FCHO2: variants seen among roughly 807,000 people sequenced by gnomAD.
FCHO2 encodes F-BAR domain only protein 2.
FCHO2 carries 43 observed loss-of-function variants against 114.1 expected under a neutral mutation model. The observed-to-expected ratio is 0.38, with a 90% CI of 0.30 to 0.49. FCHO2 has a LOEUF of 0.49. Ranked by LOEUF, FCHO2 falls within the 20% of genes least tolerant of loss-of-function variation. The probability of loss-of-function intolerance (pLI) is 0.97; values close to 1 mark genes in which losing one functional copy is unlikely to be tolerated. For missense variants in FCHO2, 807 were observed against 950.4 expected, an observed-to-expected ratio of 0.85 and a Z score of 1.98; for synonymous variants, 293 against 315.2, an observed-to-expected ratio of 0.93 and a Z score of 0.75.
At chr5:73,020,831 G>T in intron 8 of FCHO2, 1 of 915,754 alleles carries the variant, frequency 1.1e-6, no homozygotes, top group Non-Finnish European at 1.8e-6. Flanking sequence ...ATGCTGCCGA[G>T]CTGCTCATCT....
intron 8 of FCHO2, among the ~76,000 whole-genome samples, chr5:73,026,847 A>G (rs923508250): frequency 1.3e-5 from 2 of 151,766 alleles, no homozygotes. Context: ...GTGCATCACC[A>G]TACCTGGCTA....
Position 72,995,363 on chromosome 5 carries a change from C to T in FCHO2, c.495+4499C>T, listed in dbSNP as rs1053095740. Among the ~76,000 whole-genome samples, 8 of 151,960 alleles carry T rather than the reference C, an allele frequency of 5.3e-5. No individual in the cohort carries two copies. In the South Asian group the frequency reaches 1.7e-3, roughly 32 times the overall value. Reference sequence around the variant, plus strand: ...CTCCGCCTCCCGAGTTCAAGCAATTCTGGTGACTCAGCCTCCCGAGTAGTT... The same window carrying T: ...CTCCGCCTCCCGAGTTCAAGCAATTTTGGTGACTCAGCCTCCCGAGTAGTT... On this transcript the variant is annotated intron_variant, in intron 5 of 25. Coordinates refer to ENST00000430046, the MANE Select transcript of FCHO2 (RefSeq NM_138782.3).
At position 73,001,772 on chromosome 5, in the gene FCHO2, A is replaced by C. The variant is rs1178392475; in HGVS notation, c.496-4673A>C. ...GGCAACACAGTGAGAGCCCATCTCT[A>C]CAAAAAAAGAAAAAAAATTAGCCAG... On this transcript the variant is annotated intron_variant, in intron 5 of 25. Coordinates refer to ENST00000430046, the MANE Select transcript of FCHO2 (RefSeq NM_138782.3). Among the ~76,000 whole-genome samples the C allele has an allele frequency of 2.0e-5, 3 of 152,094 alleles. No homozygotes were observed. The East Asian group carries it at 5.8e-4, about 29-fold the overall frequency.
chr5:73,073,554 C>T (rs1474466836), intron 19 of FCHO2, among the ~76,000 whole-genome samples: 1 of 152,094 alleles, frequency 6.6e-6, no homozygotes, highest in Non-Finnish European at 1.5e-5. Flanking sequence ...GTTGTGATTT[C>T]ATGAATAACT....
At chr5:72,970,332 C>T (rs1470587592) in intron 2 of FCHO2, among the ~76,000 whole-genome samples, 1 of 152,138 alleles carries the variant, frequency 6.6e-6, no homozygotes, top group South Asian at 2.1e-4. Context: ...ATACATAGTA[C>T]AAAGAGATAC....
chr5:73,024,670 C>G (rs1330732274), intron 8 of FCHO2, among the ~76,000 whole-genome samples: 1 of 151,098 alleles, frequency 6.6e-6, no homozygotes, highest in East Asian at 2.0e-4. Context: ...AAATCCTGAC[C>G]TCATGATCCG....
At chr5:73,012,225 TAGAA>T (rs1316804034) in intron 6 of FCHO2, among the ~76,000 whole-genome samples, 1 of 152,198 alleles carries the variant, frequency 6.6e-6, no homozygotes, top group East Asian at 1.9e-4. Flanking sequence ...CACTAGGCAA[TAGAA>T]AGTTTTCATA....
chr5:72,971,289 G>A (rs1349023135), intron 2 of FCHO2, among the ~76,000 whole-genome samples: 2 of 151,598 alleles, frequency 1.3e-5, no homozygotes, highest in East Asian at 1.9e-4. Context: ...GACTTCCACA[G>A]TGGTTGAACT....
chr5:72,984,786 C>G (rs1318865020), intron 2 of FCHO2, among the ~76,000 whole-genome samples: 1 of 152,102 alleles, frequency 6.6e-6, no homozygotes, highest in Non-Finnish European at 1.5e-5. Context: ...GGATGCACCA[C>G]CATGCCCAGC....
At chr5:73,074,918 C>A in intron 20 of FCHO2, 65 bp downstream of exon 20, 1 of 1,265,632 alleles carries the variant, frequency 7.9e-7, no homozygotes, top group Non-Finnish European at 1.1e-6. Flanking sequence ...GGTGGTGGGG[C>A]TTGGTGGTAA....
At chr5:73,000,171 A>AT (rs1393366906) in intron 5 of FCHO2, among the ~76,000 whole-genome samples, 2 of 152,234 alleles carry the variant, frequency 1.3e-5, no homozygotes, top group South Asian at 4.1e-4. Flanking sequence ...TGCACAGCCA[A>AT]TAAAAAAAAA....
rs542191765 is a variant in FCHO2, at chr5:73,061,188, T to C, written c.1346-2653T>C. ...TGTTGCTTTGCCACCTTGTCGAATC[T>C]TTTTAGATCTTGTACTGACTATAAA... On this transcript the variant is annotated intron_variant, in intron 17 of 25. Coordinates refer to ENST00000430046, the MANE Select transcript of FCHO2 (RefSeq NM_138782.3). Among the ~76,000 whole-genome samples, 266 of 152,158 alleles carry C rather than the reference T, an allele frequency of 1.7e-3. 2 individuals carry two copies. Among genetic ancestry groups the C allele is most frequent in the Non-Finnish European group, 2.9e-3 (200 of 67,964 alleles).
chr5:73,037,158 A>G lies in FCHO2; in HGVS notation c.857A>G (p.Lys286Arg). The change falls in exon 10 of 26, where the codon AAA becomes AGA. Residue 286 changes from lysine to arginine, a missense_variant. Physicochemically the swap from Lys to Arg is conservative, Grantham distance 26. Coordinates refer to ENST00000430046, the MANE Select transcript of FCHO2 (RefSeq NM_138782.3). The part of the protein sequence containing the change: ...ASAVEGIKPR[K>R]RKTFALPGII... ...TATTTTAAAGGTATAAAACCAAGGAAAAGAAAGACCTTTGCTTTGCCAGGA... is the reference window on the plus strand; with the variant it reads ...TATTTTAAAGGTATAAAACCAAGGAGAAGAAAGACCTTTGCTTTGCCAGGA... The G allele has an allele frequency of 6.3e-7, 1 of 1,587,720 alleles. No individual in the cohort carries two copies. The highest frequency in any genetic ancestry group is 8.6e-7 in the Non-Finnish European group (1 of 1,166,720).
intron 8 of FCHO2, among the ~76,000 whole-genome samples, chr5:73,019,538 C>T (rs1755495431): frequency 6.6e-6 from 1 of 151,802 alleles, no homozygotes; most frequent in African/African-American, 2.4e-5. Context: ...AAGACTCCGT[C>T]TTAAAAAAAT....
intron 17 of FCHO2, among the ~76,000 whole-genome samples, chr5:73,062,005 A>G (rs531898836): frequency 3.1e-4 from 47 of 152,102 alleles, no homozygotes; most frequent in South Asian, 8.3e-4. Flanking sequence ...TGCTTTGTCT[A>G]TTTGCTTTAG....
chr5:72,962,891 CA>C (rs200678156), intron 1 of FCHO2, among the ~76,000 whole-genome samples: 73 of 138,984 alleles, frequency 5.3e-4, no homozygotes, highest in East Asian at 6.2e-4. Context: ...GACTCTGTCT[CA>C]AAAAAAAAAA....
In FCHO2 at chr5:73,020,597, G is replaced by A. The variant is rs549189718; in HGVS notation, c.796+3289G>A. Reference sequence around the variant, plus strand: ...GTGCAACAGCAGTAGTACTTTGGGAGAAGGGGAATGATGGGTTGGAGGTGG... The same window carrying A: ...GTGCAACAGCAGTAGTACTTTGGGAAAAGGGGAATGATGGGTTGGAGGTGG... On this transcript the variant is annotated intron_variant, in intron 8 of 25. Coordinates refer to ENST00000430046, the MANE Select transcript of FCHO2 (RefSeq NM_138782.3). 5.5e-5 allele frequency: 38 copies of A among 693,754 alleles called. No individual in the cohort carries two copies. The African/African-American group carries it at 6.7e-4, about 12-fold the overall frequency. 43.0% of individuals were successfully genotyped at this position (693,754 alleles called of 1,614,324 possible).
intron 11 of FCHO2, among the ~76,000 whole-genome samples, chr5:73,046,295 G>A (rs112660743): frequency 2.6e-5 from 4 of 152,118 alleles, no homozygotes; most frequent in South Asian, 2.1e-4. Flanking sequence ...TTGAACTCTC[G>A]GCCTCAAGTG....
Position 73,006,477 on chromosome 5 carries a change from C to G in FCHO2, c.528C>G (p.Thr176=), listed in dbSNP as rs17851134. 6 of 1,570,172 alleles carry G rather than the reference C, an allele frequency of 3.8e-6. No homozygotes were observed. Among genetic ancestry groups the G allele is most frequent in the Non-Finnish European group, 4.3e-6 (5 of 1,162,780 alleles). The change falls in exon 6 of 26, where the codon ACC becomes ACG. Residue 176 remains threonine, a synonymous_variant. Coordinates refer to ENST00000430046, the MANE Select transcript of FCHO2 (RefSeq NM_138782.3). ...TTAAATCTAAGAAAGCTACAGATACCTATAAACTCTATGTGGAAAAATATG... is the reference window on the plus strand; with the variant it reads ...TTAAATCTAAGAAAGCTACAGATACGTATAAACTCTATGTGGAAAAATATG... ...AAVKSKKATD[T]YKLYVEKYAL...
Sources: gnomAD v4.1 joint callset for allele counts (sites outside exome capture counted in the v4.1 genomes callset) on GRCh38, gnomAD v4.1.1 for gene constraint, MANE v1.5 for transcripts, NCBI Gene and HGNC (gene_info 2026-07-23, HGNC 2026-07-21) for gene names.